The following DPF3 variants were observed in gnomAD, a reference collection of about 807,000 sequenced individuals.
The protein encoded by DPF3 is double PHD fingers 3.
In DPF3, 18 loss-of-function variants were observed where a neutral mutation model predicts 56.8. The ratio of observed to expected loss-of-function variants is 0.32; its 90% CI spans 0.22 to 0.47. The LOEUF is 0.47. DPF3 is among the 20% of genes least tolerant of loss of function. The pLI is 1.00. For missense variants in DPF3, 403 were observed against 488.8 expected (o/e 0.82, Z 1.65); for synonymous variants, 188 against 180.2 (o/e 1.04, Z -0.35).
chr14:72,769,847 T>C (rs1287142092), intron 2 of DPF3, among the ~76,000 whole-genome samples: 1 of 152,126 alleles, frequency 6.6e-6, no homozygotes, highest in African/African-American at 2.4e-5. Context: ...TATTATTATA[T>C]TGATCGTCTT....
intron 1 of DPF3, among the ~76,000 whole-genome samples, chr14:72,796,034 G>C (rs1489408657): frequency 6.6e-6 from 1 of 152,184 alleles, no homozygotes; most frequent in Non-Finnish European, 1.5e-5. Context: ...AGGACCAAAG[G>C]AACGAAGACT....
intron 8 of DPF3, chr14:72,669,822 C>G (rs772381264): frequency 1.4e-4 from 122 of 891,718 alleles, no homozygotes; most frequent in Non-Finnish European, 1.6e-4. Context: ...GCCACTCTTA[C>G]ACTAAGAAGG....
At chr14:72,821,331 C>T (rs2140034745) in intron 1 of DPF3, among the ~76,000 whole-genome samples, 1 of 152,090 alleles carries the variant, frequency 6.6e-6, no homozygotes, top group East Asian at 1.9e-4. Flanking sequence ...TCCTATAATC[C>T]CAGCACTTAA....
chr14:72,828,291 T>C (rs8009692), intron 1 of DPF3, among the ~76,000 whole-genome samples: 105,250 of 152,006 alleles, frequency 0.69, 36,751 homozygotes, highest in East Asian at 0.89. Context: ...AACAGGTTCA[T>C]AGAGCTATGG....
At chr14:72,669,503 G>A (rs1478297107) in intron 8 of DPF3, among the ~76,000 whole-genome samples, 2 of 152,090 alleles carry the variant, frequency 1.3e-5, no homozygotes, top group African/African-American at 2.4e-5. Flanking sequence ...AATTGGTACC[G>A]AGAGTAAGAA....
intron 1 of DPF3, among the ~76,000 whole-genome samples, chr14:72,828,711 G>A (rs1883926246): frequency 6.6e-6 from 1 of 152,096 alleles, no homozygotes; most frequent in Non-Finnish European, 1.5e-5. Flanking sequence ...GAGGGAGGCT[G>A]GGCCCAAACA....
At position 72,738,017 on chromosome 14, in the gene DPF3, T is replaced by C. The variant is rs191841010; in HGVS notation, c.302-6083A>G. 5.5e-4 allele frequency among the ~76,000 whole-genome samples: 83 copies of C among 152,200 alleles called. No individual in the cohort carries two copies. The East Asian group carries it at 9.1e-3, about 17-fold the overall frequency. On this transcript the variant is annotated intron_variant, in intron 3 of 10. Transcript: ENST00000556509. ...CATCATATTTCCTTGGATTTATACA[T>C]CAAATTACACGAAGGAGAAAAGAGC... is the stretch of plus-strand genomic sequence containing the variant.
At chr14:72,800,263 C>T (rs549288623) in intron 1 of DPF3, among the ~76,000 whole-genome samples, 7 of 152,326 alleles carry the variant, frequency 4.6e-5, no homozygotes, top group East Asian at 1.9e-4. Flanking sequence ...CAGCTCACCA[C>T]GGCCCCCACC....
Position 72,753,361 on chromosome 14 carries a change from C to CG in DPF3, c.203dup (p.Gln70ProfsTer20), listed in dbSNP as rs747498876. 6.2e-7 allele frequency: 1 copy of CG among 1,611,316 alleles called. No individual in the cohort carries two copies. The highest frequency in any genetic ancestry group is 1.1e-5 in the South Asian group (1 of 90,858). ...GGGCAGGGTATGTATACAGCTGGCC[C>CG]GGGGCAAGGCCTGTGGACAGAGACA... is the stretch of plus-strand genomic sequence containing the variant. On this transcript the variant is annotated frameshift_variant, in exon 3 of 11. Coordinates refer to ENST00000556509, the MANE Select transcript of DPF3 (RefSeq NM_001280542.3). LOFTEE classifies it high-confidence loss of function.
At chr14:72,864,930 T>C (rs1160220311) in intron 1 of DPF3, among the ~76,000 whole-genome samples, 1 of 152,114 alleles carries the variant, frequency 6.6e-6, no homozygotes, top group East Asian at 1.9e-4. Context: ...GTTAAGCCAA[T>C]ATGACTCGGG....
At chr14:72,858,618 C>A (rs964887809) in intron 1 of DPF3, among the ~76,000 whole-genome samples, 1 of 152,200 alleles carries the variant, frequency 6.6e-6, no homozygotes, top group African/African-American at 2.4e-5. Context: ...AAAACTAAGG[C>A]GTGGTCCTTC....
Position 72,619,268 on chromosome 14 carries a change from C to T in DPF3, c.*29G>A, listed in dbSNP as rs1393044791. The T allele has an allele frequency of 6.5e-7, 1 of 1,534,928 alleles. No individual in the cohort carries two copies. Among genetic ancestry groups the T allele is most frequent in the Non-Finnish European group, 8.7e-7 (1 of 1,146,212 alleles). The stretch of plus-strand genomic sequence containing the variant: ...CTGGGCTCTGCTTTAGGATCTCCAG[C>T]AGCGAGTCACATTCTGTGACCTGGG... On this transcript the variant is annotated 3_prime_UTR_variant, in exon 11 of 11. Transcript: ENST00000556509.
intron 1 of DPF3, among the ~76,000 whole-genome samples, chr14:72,832,432 T>A (rs977705864): frequency 2.0e-5 from 3 of 152,138 alleles, no homozygotes; most frequent in Admixed American, 2.0e-4. Context: ...TCCAAACAAG[T>A]AAGAGATCGC....
chr14:72,761,593 T>C (rs912066166), intron 2 of DPF3, among the ~76,000 whole-genome samples: 1 of 152,072 alleles, frequency 6.6e-6, no homozygotes, highest in East Asian at 1.9e-4. Context: ...CAGAAAATGA[T>C]GTAGTAGAAA....
At chr14:72,893,002 AGGAAGGAAGGAAGGAAG>A (rs1567273782) in intron 1 of DPF3, among the ~76,000 whole-genome samples, 10 of 125,446 alleles carry the variant, frequency 8.0e-5, no homozygotes, top group African/African-American at 3.1e-4. Flanking sequence ...GAAGGAAGGA[AGGAAGGAAGGAAGGAAG>A]GAAGGATGAA....
At chr14:72,884,952 A>ATG in intron 1 of DPF3, among the ~76,000 whole-genome samples, 1 of 87,996 alleles carries the variant, frequency 1.1e-5, no homozygotes, top group South Asian at 4.2e-4. Context: ...ATATATATAT[A>ATG]TATATATATA....
At position 72,754,229 on chromosome 14, in the gene DPF3, C is replaced by T. The variant is rs534896276; in HGVS notation, c.194-858G>A. On this transcript the variant is annotated intron_variant, in intron 2 of 10. Transcript: ENST00000556509. Reference sequence around the variant, plus strand: ...ACAGACTATTCCCAGGGAAATGGGGCGGGGAAGAGGCTGAGGGGTGAGGAG... The same window carrying T: ...ACAGACTATTCCCAGGGAAATGGGGTGGGGAAGAGGCTGAGGGGTGAGGAG... 8.4e-4 allele frequency among the ~76,000 whole-genome samples: 127 copies of T among 152,080 alleles called. 1 individual carries two copies. Among genetic ancestry groups the T allele is most frequent in the Non-Finnish European group, 1.0e-3 (71 of 67,984 alleles).
intron 8 of DPF3, chr14:72,671,186 G>A (rs201262416): frequency 9.4e-5 from 151 of 1,613,814 alleles, no homozygotes; most frequent in Non-Finnish European, 1.2e-4. Flanking sequence ...CCACTGCGGC[G>A]TCCTCGACAG....
At chr14:72,739,553 C>A (rs1890044111) in intron 3 of DPF3, among the ~76,000 whole-genome samples, 1 of 152,188 alleles carries the variant, frequency 6.6e-6, no homozygotes, top group Non-Finnish European at 1.5e-5. Context: ...TCTAAGACCA[C>A]CAGATGTGGT....
Sources: gnomAD v4.1 joint callset for allele counts (sites outside exome capture counted in the v4.1 genomes callset) on GRCh38, gnomAD v4.1.1 for gene constraint, MANE v1.5 for transcripts, NCBI Gene and HGNC (gene_info 2026-07-23, HGNC 2026-07-21) for gene names.